The following THSD4 variants were observed in gnomAD, a reference collection of about 807,000 sequenced individuals.
THSD4 encodes the protein thrombospondin type 1 domain containing 4.
A neutral mutation model predicts 119.0 loss-of-function variants in THSD4; 69 were observed. The ratio of observed to expected loss-of-function variants is 0.58; its 90% CI spans 0.48 to 0.71. The LOEUF (loss-of-function observed/expected upper bound fraction) is 0.71. Among genes scored for constraint, THSD4 ranks in the 30% least tolerant of loss-of-function variants. The probability of loss-of-function intolerance (pLI) is 0.00; values close to 1 mark genes in which losing one functional copy is unlikely to be tolerated. For missense variants in THSD4, 1,393 were observed against 1,391.1 expected, an observed-to-expected ratio of 1.00 and a Z score of -0.02; for synonymous variants, 524 against 540.4, an observed-to-expected ratio of 0.97 and a Z score of 0.42.
intron 1 of THSD4, among the ~76,000 whole-genome samples, chr15:71,134,510 A>AG (rs1433405690): frequency 6.6e-6 from 1 of 151,994 alleles, no homozygotes; most frequent in African/African-American, 2.4e-5. Context: ...GCTTTCTAAG[A>AG]GGGAAAAGTC....
intron 6 of THSD4, among the ~76,000 whole-genome samples, chr15:71,317,763 G>T (rs191816936): frequency 1.3e-5 from 2 of 152,248 alleles, no homozygotes; most frequent in Admixed American, 1.3e-4. Context: ...TCAAATCCTG[G>T]ATCTATCACT....
In THSD4 at chr15:71,724,266, G is replaced by GATAT. The variant is rs144736427; in HGVS notation, c.1358-4264_1358-4261dup. ...CTGGGGGAGGAGGCCTCTATGATGG[G>GATAT]ATATATATATATATATATATATTTT... On this transcript the variant is annotated intron_variant, in intron 8 of 17. Transcript: ENST00000261862. Among the ~76,000 whole-genome samples, 27 of 74,604 alleles carry GATAT rather than the reference G, an allele frequency of 3.6e-4. 2 individuals carry two copies. The highest frequency in any genetic ancestry group is 6.2e-4 in the Admixed American group (3 of 4,814). The allele number at this position is 74,604 out of a possible 152,430, so 48.9% of individuals were successfully genotyped here. A position where few individuals can be genotyped will look rare whatever the true frequency, so the allele number is the denominator to read the frequency against.
chr15:71,535,364 A>G (rs1485897861), intron 7 of THSD4, among the ~76,000 whole-genome samples: 1 of 152,128 alleles, frequency 6.6e-6, no homozygotes, highest in African/African-American at 2.4e-5. Flanking sequence ...ACCACATTTT[A>G]TATATATCTG....
At chr15:71,125,213 T>C (rs1006792393) in intron 1 of THSD4, among the ~76,000 whole-genome samples, 2 of 152,214 alleles carry the variant, frequency 1.3e-5, no homozygotes, top group African/African-American at 4.8e-5. Context: ...TATTATTGTG[T>C]ACTCTCCTGG....
At chr15:71,539,473 C>G (rs921476542) in intron 7 of THSD4, among the ~76,000 whole-genome samples, 3 of 152,122 alleles carry the variant, frequency 2.0e-5, no homozygotes, top group Non-Finnish European at 1.5e-5. Context: ...GTAAAATAGC[C>G]TTAGAGGTGA....
intron 6 of THSD4, among the ~76,000 whole-genome samples, chr15:71,266,897 A>G (rs2044471020): frequency 1.3e-5 from 2 of 151,996 alleles, no homozygotes; most frequent in Admixed American, 6.6e-5. Context: ...TTACAGCGTG[A>G]AGACAAGATT....
In THSD4 at chr15:71,347,021, G is replaced by A. The variant is rs145534091; in HGVS notation, c.1016-64666G>A. Among the ~76,000 whole-genome samples, 1,472 of 151,650 alleles carry A rather than the reference G, an allele frequency of 9.7e-3. 31 individuals carry two copies. The highest frequency in any genetic ancestry group is 0.034 in the African/African-American group (1,391 of 41,310). On this transcript the variant is annotated intron_variant, in intron 6 of 17. Coordinates refer to ENST00000261862, the MANE Select transcript of THSD4 (RefSeq NM_024817.3). Reference sequence around the variant, plus strand: ...CCTGAGTAGCTGAGATTACAGGCGCGTGCCACCACACCTGGCTAATTTTTG... The same window carrying A: ...CCTGAGTAGCTGAGATTACAGGCGCATGCCACCACACCTGGCTAATTTTTG...
chr15:71,710,486 A>G (rs2052488201), intron 8 of THSD4, among the ~76,000 whole-genome samples: 1 of 152,232 alleles, frequency 6.6e-6, no homozygotes, highest in African/African-American at 2.4e-5. Context: ...ATTAGTTGGG[A>G]ACATGAACAG....
chr15:71,625,123 C>T (rs2140934372), intron 7 of THSD4, among the ~76,000 whole-genome samples: 1 of 152,272 alleles, frequency 6.6e-6, no homozygotes, highest in East Asian at 1.9e-4. Context: ...TCTCCTGCCT[C>T]AGCCTCCCAA....
intron 6 of THSD4, among the ~76,000 whole-genome samples, chr15:71,262,245 G>A (rs999016239): frequency 6.6e-6 from 1 of 152,140 alleles, no homozygotes; most frequent in Admixed American, 6.5e-5. Context: ...CCTATCCTTA[G>A]ATAATGCCTC....
intron 8 of THSD4, among the ~76,000 whole-genome samples, chr15:71,662,118 A>G (rs1192542258): frequency 6.6e-6 from 1 of 152,206 alleles, no homozygotes; most frequent in Non-Finnish European, 1.5e-5. Context: ...GCAGCAGTCA[A>G]TGGCTGCAGC....
At chr15:71,250,850 G>A (rs2140282459) in intron 5 of THSD4, among the ~76,000 whole-genome samples, 1 of 152,100 alleles carries the variant, frequency 6.6e-6, no homozygotes, top group South Asian at 2.1e-4. Flanking sequence ...ATCCTTTGGG[G>A]CTTTGATGTA....
intron 7 of THSD4, among the ~76,000 whole-genome samples, chr15:71,425,156 C>T (rs2046852347): frequency 1.3e-5 from 2 of 152,144 alleles, no homozygotes; most frequent in African/African-American, 4.8e-5. Flanking sequence ...GAGAGTTTAC[C>T]ATGTGCTGTG....
intron 14 of THSD4, among the ~76,000 whole-genome samples, chr15:71,754,825 A>T (rs988560049): frequency 2.4e-5 from 2 of 82,150 alleles, no homozygotes; most frequent in African/African-American, 6.0e-5. Flanking sequence ...CCAGAGAAGC[A>T]GTTAGACTTG....
At chr15:71,317,058 T>G (rs1336461023) in intron 6 of THSD4, among the ~76,000 whole-genome samples, 4 of 152,222 alleles carry the variant, frequency 2.6e-5, no homozygotes, top group African/African-American at 9.6e-5. Context: ...GTGTTTGCTT[T>G]GTATAATAAT....
chr15:71,412,355 C>T (rs185258001), intron 7 of THSD4, among the ~76,000 whole-genome samples: 115 of 152,324 alleles, frequency 7.5e-4, no homozygotes, highest in Middle Eastern at 3.4e-3. Context: ...AACACCCCGC[C>T]TGGCGTTCTG....
chr15:71,164,793 C>G (rs1263637946), intron 3 of THSD4: 4 of 1,593,062 alleles, frequency 2.5e-6, no homozygotes, highest in African/African-American at 2.7e-5. Context: ...TCATCTTCTT[C>G]TTCATCTTCA....
chr15:71,117,955 A>T (rs1459829691), intron 1 of THSD4, among the ~76,000 whole-genome samples: 1 of 152,150 alleles, frequency 6.6e-6, no homozygotes, highest in Non-Finnish European at 1.5e-5. Flanking sequence ...GGAGAAAGGG[A>T]AGTAAAGAAA....
chr15:71,181,621 T>A (rs1441287325), intron 3 of THSD4, among the ~76,000 whole-genome samples: 2 of 152,244 alleles, frequency 1.3e-5, no homozygotes, highest in East Asian at 3.9e-4. Flanking sequence ...GCTTATGGAC[T>A]TCTCCACTGT....
Sources: gnomAD v4.1 joint callset for allele counts (sites outside exome capture counted in the v4.1 genomes callset) on GRCh38, gnomAD v4.1.1 for gene constraint, MANE v1.5 for transcripts, NCBI Gene and HGNC (gene_info 2026-07-23, HGNC 2026-07-21) for gene names.